SLC22A7: variants seen among roughly 807,000 people sequenced by gnomAD.
The protein encoded by SLC22A7 is hOAT2.
In SLC22A7, 48 loss-of-function variants were observed where a neutral mutation model predicts 62.2. The observed-to-expected ratio is 0.77, with a 90% CI of 0.61 to 0.98. SLC22A7 has a LOEUF of 0.98. Among genes scored for constraint, SLC22A7 ranks in the 50% least tolerant of loss-of-function variants. SLC22A7 has a pLI of 0.00. For missense variants in SLC22A7, 581 were observed against 703.8 expected, an observed-to-expected ratio of 0.83 and a Z score of 1.97; for synonymous variants, 276 against 314.8, an observed-to-expected ratio of 0.88 and a Z score of 1.30.
chr6:43,298,108 C>T (rs1002108065), upstream of SLC22A7: 9 of 483,258 alleles, frequency 1.9e-5, no homozygotes, highest in Admixed American at 7.4e-5. Context: ...CCCAGAGCCA[C>T]GAGCCAGTGA....
In SLC22A7 at chr6:43,302,285, G is replaced by C; in HGVS notation, c.1147G>C (p.Gly383Arg). ...CGTGTACCAGACACAGCTGTTGTTCGGGGCTGTGGAACTGCCCTCCAAGCT... is the reference window on the plus strand; with the variant it reads ...CGTGTACCAGACACAGCTGTTGTTCCGGGCTGTGGAACTGCCCTCCAAGCT... Reference protein sequence around the residue: ...LNVYQTQLLFGAVELPSKLLV... With the variant: ...LNVYQTQLLFRAVELPSKLLV... Residue 383 changes from glycine to arginine, a missense_variant, in exon 8 of 11, where the codon GGG becomes CGG. Physicochemically the swap from Gly to Arg is moderately radical, Grantham distance 125. Coordinates refer to ENST00000372585, the MANE Select transcript of SLC22A7 (RefSeq NM_153320.2). The surrounding 1 kb of genome is among the most constrained non-coding windows in gnomAD (Gnocchi z 5.0). 6.2e-7 allele frequency: 1 copy of C among 1,613,742 alleles called. No individual in the cohort carries two copies. Among genetic ancestry groups the C allele is most frequent in the South Asian group, 1.1e-5 (1 of 91,030 alleles).
intron 6 of SLC22A7, 83 bp downstream of exon 6, chr6:43,301,341 A>G (rs563788373): frequency 6.3e-7 from 1 of 1,578,752 alleles, no homozygotes; most frequent in South Asian, 1.1e-5. Context: ...CCCAGAGCCC[A>G]CCATATATGG....
rs1426267045 is a variant in SLC22A7, at chr6:43,298,280, A to G, written c.-79A>G. 1.6e-6 allele frequency: 2 copies of G among 1,268,372 alleles called. No homozygotes were observed. Among genetic ancestry groups the G allele is most frequent in the South Asian group, 1.4e-5 (1 of 70,346 alleles). 78.6% of individuals were successfully genotyped at this position (1,268,372 alleles called of 1,614,324 possible). A position where few individuals can be genotyped will look rare whatever the true frequency, so the allele number is the denominator to read the frequency against. On this transcript the variant is annotated 5_prime_UTR_variant, in exon 1 of 11. Coordinates refer to ENST00000372585, the MANE Select transcript of SLC22A7 (RefSeq NM_153320.2). ...CATCCACTCCCACCTCCAGAGTCCA[A>G]GGGTCTATGTGGTGGGCAGTTTGAG...
intron 1 of SLC22A7, 110 bp from the exon 2 acceptor site, chr6:43,298,981 GA>G (rs1363154535): frequency 6.6e-6 from 8 of 1,213,676 alleles, no homozygotes; most frequent in Non-Finnish European, 9.3e-6. Context: ...TTAAGGCAGG[GA>G]AGGGCTAAAG....
intron 10 of SLC22A7, 115 bp downstream of exon 10, chr6:43,304,359 T>TG: frequency 2.1e-6 from 2 of 938,766 alleles, no homozygotes; most frequent in Non-Finnish European, 3.1e-6. Context: ...CATGTGTACT[T>TG]GGTGCATGTA....
At position 43,299,277 on chromosome 6, in the gene SLC22A7, A is replaced by C. The variant is rs1335148014; in HGVS notation, c.400-113A>C. On this transcript the variant is annotated intron_variant, in intron 2 of 10. Transcript: ENST00000372585. The surrounding 1 kb of genome is among the most constrained non-coding windows in gnomAD (Gnocchi z 4.4). ...GAGGTTTATTATCTGGCATGGAGGTACCAGAATGGCAGAGTTCGCCTCAGA... is the reference window on the plus strand; with the variant it reads ...GAGGTTTATTATCTGGCATGGAGGTCCCAGAATGGCAGAGTTCGCCTCAGA... The C allele has an allele frequency of 4.4e-6, 7 of 1,602,750 alleles. No homozygotes were observed. Among genetic ancestry groups the C allele is most frequent in the Non-Finnish European group, 6.0e-6 (7 of 1,174,224 alleles).
chr6:43,301,352 C>A, intron 6 of SLC22A7, 94 bp downstream of exon 6: 2 of 1,545,572 alleles, frequency 1.3e-6, no homozygotes, highest in Non-Finnish European at 1.8e-6. Context: ...CCATATATGG[C>A]AGGAAAAGCC....
Position 43,298,367 on chromosome 6 carries a change from TGAG to T in SLC22A7, c.13_15del (p.Glu5del). On this transcript the variant is annotated inframe_deletion, in exon 1 of 11. Coordinates refer to ENST00000372585, the MANE Select transcript of SLC22A7 (RefSeq NM_153320.2). Reference sequence around the variant, plus strand: ...TTTGGTGGGTGAGCAGCATGGGCTTTGAGGAGCTGCTGGAGCAGGTGGGCGGCT... The same window carrying T: ...TTTGGTGGGTGAGCAGCATGGGCTTTGAGCTGCTGGAGCAGGTGGGCGGCT... 3 of 1,611,210 alleles carry T rather than the reference TGAG, an allele frequency of 1.9e-6. No individual in the cohort carries two copies. The highest frequency in any genetic ancestry group is 8.5e-7 in the Non-Finnish European group (1 of 1,178,318).
In SLC22A7 at chr6:43,299,464, G is replaced by C. The variant is rs1778656422; in HGVS notation, c.474G>C (p.Gly158=). 1.2e-6 allele frequency: 2 copies of C among 1,613,606 alleles called. No homozygotes were observed. Among genetic ancestry groups the C allele is most frequent in the Admixed American group, 1.7e-5 (1 of 59,966 alleles). The change falls in exon 3 of 11, where the codon GGG becomes GGC. Residue 158 remains glycine (G), a synonymous_variant. Transcript: ENST00000372585. This position sits in a 1 kb window ranked among gnomAD's most constrained non-coding sequence, Gnocchi z 4.4. The part of the protein sequence containing the change: ...STFFFAGVLV[G]AVAFGYLSDR... Reference sequence around the variant, plus strand: ...TCTTCTTCGCCGGTGTGCTGGTGGGGGCTGTGGCCTTTGGATATCTGTCCG... The same window carrying C: ...TCTTCTTCGCCGGTGTGCTGGTGGGCGCTGTGGCCTTTGGATATCTGTCCG...
In SLC22A7 at chr6:43,301,206, A is replaced by G; in HGVS notation, c.899A>G (p.His300Arg). 1 of 1,614,186 alleles carries G rather than the reference A, an allele frequency of 6.2e-7. No homozygotes were observed. Among genetic ancestry groups the G allele is most frequent in the Non-Finnish European group, 8.5e-7 (1 of 1,180,032 alleles). Residue 300 changes from histidine (H) to arginine (R), a missense_variant, in exon 6 of 11, where the codon CAC (histidine) becomes CGC (arginine). Physicochemically the swap from His to Arg is conservative, Grantham distance 29 (BLOSUM62 0). Coordinates refer to ENST00000372585, the MANE Select transcript of SLC22A7 (RefSeq NM_153320.2). ...AAAGAGGCCCACAGGTACTTGCTCC[A>G]CTGTGCCAGGCTCAATGGGCGGCCA... ...HVKEAHRYLL[H>R]CARLNGRPVC...
At position 43,305,507 on chromosome 6, in the gene SLC22A7, C is replaced by A. The variant is rs948233091; in HGVS notation, c.*782C>A. ...CATTTTATTGAAGAAGCCACAGAGGCTGAAATTCAATAAACACAAGTTTTA... is the reference window on the plus strand; with the variant it reads ...CATTTTATTGAAGAAGCCACAGAGGATGAAATTCAATAAACACAAGTTTTA... On this transcript the variant is annotated 3_prime_UTR_variant, in exon 11 of 11. Coordinates refer to ENST00000372585, the MANE Select transcript of SLC22A7 (RefSeq NM_153320.2). 5 of 430,336 alleles carry A rather than the reference C, an allele frequency of 1.2e-5. No homozygotes were observed. Among genetic ancestry groups the A allele is most frequent in the Non-Finnish European group, 1.3e-5 (3 of 237,940 alleles). The allele number at this position is 430,336 out of a possible 1,614,324, so 26.7% of individuals were successfully genotyped here. A position where few individuals can be genotyped will look rare whatever the true frequency, so the allele number is the denominator to read the frequency against.
rs199593244 is a variant in SLC22A7, at chr6:43,299,101, G to A, written c.399+4G>A. The A allele has an allele frequency of 1.2e-5, 20 of 1,607,708 alleles. No individual in the cohort carries two copies. The African/African-American group carries it at 1.3e-4, about 11-fold the overall frequency. ...CCTTCCTCTTTTCCAGTCCCAGGTCGGTATTTACATAATCCATCTGGAGGT... is the reference window on the plus strand; with the variant it reads ...CCTTCCTCTTTTCCAGTCCCAGGTCAGTATTTACATAATCCATCTGGAGGT... On this transcript the variant is annotated splice_donor_region_variant and intron_variant, in intron 2 of 10. Transcript: ENST00000372585. This position sits in a 1 kb window ranked among gnomAD's most constrained non-coding sequence, Gnocchi z 4.4.
intron 9 of SLC22A7, chr6:43,303,288 C>A: frequency 3.4e-6 from 1 of 295,988 alleles, no homozygotes; most frequent in Non-Finnish European, 5.0e-6. Flanking sequence ...TGGTGAAACC[C>A]TGTCTCTGCT....
At position 43,302,143 on chromosome 6, in the gene SLC22A7, G is replaced by A; in HGVS notation, c.1062-57G>A. ...AAAATGCCAAGTCTTCCTGAGAAGA[G>A]AGGCCAAAGAGGGATGGGAAGGAGG... On this transcript the variant is annotated intron_variant, in intron 7 of 10. Transcript: ENST00000372585. This position sits in a 1 kb window ranked among gnomAD's most constrained non-coding sequence, Gnocchi z 5.0. 2.8e-6 allele frequency: 4 copies of A among 1,437,956 alleles called. No individual in the cohort carries two copies. The highest frequency in any genetic ancestry group is 3.8e-6 in the Non-Finnish European group (4 of 1,057,568). The allele number at this position is 1,437,956 out of a possible 1,614,324, so 89.1% of individuals were successfully genotyped here.
In SLC22A7 at chr6:43,298,684, CCA is replaced by C; in HGVS notation, c.329_330del (p.Thr110SerfsTer21). On this transcript the variant is annotated frameshift_variant, in exon 1 of 11. Transcript: ENST00000372585. LOFTEE classifies it high-confidence loss of function. ...CGTGGGGAGCTGGAGGATGAACCTG[CCA>C]CAGTGCCCTGCTCTCAGGGCTGGGA... 3.2e-6 allele frequency: 5 copies of C among 1,553,932 alleles called. No individual in the cohort carries two copies. Among genetic ancestry groups the C allele is most frequent in the Non-Finnish European group, 4.4e-6 (5 of 1,148,302 alleles).
chr6:43,303,267 C>T (rs1778817741), intron 9 of SLC22A7: 1 of 477,036 alleles, frequency 2.1e-6, no homozygotes, highest in South Asian at 8.9e-5. Flanking sequence ...TCGAGACCAG[C>T]CTGACCAACA....
chr6:43,305,405 C>T lies in SLC22A7; in HGVS notation c.*680C>T, dbSNP rs70953696. ...AGGCACCCTGCAGGGCAATGCATGT[C>T]ATCCCAACCCCCACACTCCCCATCC... On this transcript the variant is annotated 3_prime_UTR_variant, in exon 11 of 11. Transcript: ENST00000372585. 5.4e-3 allele frequency: 1,511 copies of T among 281,700 alleles called. 10 individuals are homozygous for T. Among genetic ancestry groups the T allele is most frequent in the Non-Finnish European group, 7.3e-3 (1,062 of 146,404 alleles). 17.5% of individuals were successfully genotyped at this position (281,700 alleles called of 1,614,324 possible).
rs1778641729 is a variant in SLC22A7, at chr6:43,299,123, A to G, written c.399+26A>G. The G allele has an allele frequency of 6.2e-7, 1 of 1,613,654 alleles. No homozygotes were observed. The highest frequency in any genetic ancestry group is 1.3e-5 in the African/African-American group (1 of 74,902). ...GTCGGTATTTACATAATCCATCTGG[A>G]GGTGGAATGTCGGTGGAGGCAGTCT... On this transcript the variant is annotated intron_variant, in intron 2 of 10. Coordinates refer to ENST00000372585, the MANE Select transcript of SLC22A7 (RefSeq NM_153320.2). This position sits in a 1 kb window ranked among gnomAD's most constrained non-coding sequence, Gnocchi z 4.4.
intron 9 of SLC22A7, chr6:43,303,212 G>A: frequency 2.1e-6 from 2 of 974,814 alleles, no homozygotes. Flanking sequence ...TGTAATCCCA[G>A]CATTTTGGAA....
Sources: allele counts gnomAD v4.1 joint callset, GRCh38; gene constraint gnomAD v4.1.1; non-coding constraint Gnocchi (gnomAD v3.1); transcripts MANE v1.5; gene names NCBI Gene and HGNC (gene_info 2026-07-23, HGNC 2026-07-21).